The following ZFAND6 variants were observed in gnomAD, a reference collection of about 807,000 sequenced individuals.
The protein encoded by ZFAND6 is zinc finger AN1-type containing 6.
In ZFAND6, 12 loss-of-function variants were observed where a neutral mutation model predicts 24.5. The ratio of observed to expected loss-of-function variants is 0.49; its 90% confidence interval spans 0.31 to 0.79. The LOEUF (loss-of-function observed/expected upper bound fraction) is 0.79. ZFAND6 is among the 30% of genes least tolerant of loss of function. The pLI, the probability that ZFAND6 is intolerant of heterozygous loss-of-function variation, is 0.04. For synonymous variants in ZFAND6, 92 were observed against 81.5 expected (o/e 1.13, Z -0.69); for missense variants, 207 against 245.9 (o/e 0.84, Z 1.06).
At chr15:80,061,695 G>C (rs1225986853) in intron 1 of ZFAND6, among the ~76,000 whole-genome samples, 1 of 152,088 alleles carries the variant, frequency 6.6e-6, no homozygotes, top group Non-Finnish European at 1.5e-5. Flanking sequence ...TGGGCACTTC[G>C]ACCGTGTTTT....
intron 1 of ZFAND6, among the ~76,000 whole-genome samples, chr15:80,080,857 T>G (rs917566754): frequency 2.6e-5 from 4 of 152,128 alleles, no homozygotes; most frequent in Non-Finnish European, 4.4e-5. Context: ...ACCACACACT[T>G]TTAAGCAGCC....
At chr15:80,089,548 T>A (rs2038218994) in intron 1 of ZFAND6, among the ~76,000 whole-genome samples, 2 of 151,932 alleles carry the variant, frequency 1.3e-5, no homozygotes. Flanking sequence ...GAGCCACCAC[T>A]CCCAGCCTAG....
chr15:80,100,166 G>A (rs2141939569), intron 2 of ZFAND6, among the ~76,000 whole-genome samples: 1 of 152,236 alleles, frequency 6.6e-6, no homozygotes, highest in East Asian at 1.9e-4. Flanking sequence ...TCACTTTAAT[G>A]CAGTTTTAGG....
At chr15:80,105,924 A>T (rs1425417418) in intron 2 of ZFAND6, among the ~76,000 whole-genome samples, 1 of 152,110 alleles carries the variant, frequency 6.6e-6, no homozygotes, top group Non-Finnish European at 1.5e-5. Context: ...GTATTCTAAA[A>T]CTTTGTGGTT....
intron 2 of ZFAND6, among the ~76,000 whole-genome samples, chr15:80,107,313 G>GAATATA (rs1471182225): frequency 6.6e-6 from 1 of 152,166 alleles, no homozygotes; most frequent in African/African-American, 2.4e-5. Flanking sequence ...GTATGGTGAT[G>GAATATA]AATATAATGA....
intron 1 of ZFAND6, among the ~76,000 whole-genome samples, chr15:80,078,621 T>C (rs369085954): frequency 2.0e-5 from 3 of 152,328 alleles, no homozygotes; most frequent in African/African-American, 7.2e-5. Flanking sequence ...TTTAAGTTCT[T>C]TGGGAAATCT....
chr15:80,074,411 T>C (rs1475354708), intron 1 of ZFAND6, among the ~76,000 whole-genome samples: 1 of 151,796 alleles, frequency 6.6e-6, no homozygotes, highest in Admixed American at 6.6e-5. Context: ...AGAAGAAATA[T>C]TTTCTTTCAA....
chr15:80,089,519 G>T (rs956395083), intron 1 of ZFAND6, among the ~76,000 whole-genome samples: 1 of 152,008 alleles, frequency 6.6e-6, no homozygotes, highest in African/African-American at 2.4e-5. Flanking sequence ...GCCTCCCAAA[G>T]TGGTGGGATT....
In ZFAND6 at chr15:80,122,819, A is replaced by G. The variant is rs778099390; in HGVS notation, c.364+19A>G. On this transcript the variant is annotated intron_variant, in intron 5 of 6. Transcript: ENST00000261749. ...GTGCAGGGTTTGTATATGAACTAGC[A>G]TGTATTTTGTTATTTGAGTATTATA... The G allele has an allele frequency of 6.3e-7, 1 of 1,591,640 alleles. No individual in the cohort carries two copies. Among genetic ancestry groups the G allele is most frequent in the Non-Finnish European group, 8.6e-7 (1 of 1,160,924 alleles).
At chr15:80,136,582 T>A (rs2040877081) in intron 6 of ZFAND6, among the ~76,000 whole-genome samples, 1 of 152,254 alleles carries the variant, frequency 6.6e-6, no homozygotes, top group African/African-American at 2.4e-5. Context: ...CAGTGCTGTT[T>A]GCTTCATTTT....
In ZFAND6 at chr15:80,131,214, A is replaced by C. The variant is rs2142051321; in HGVS notation, c.399A>C (p.Glu133Asp). The C allele has an allele frequency of 1.2e-6, 2 of 1,611,900 alleles. No homozygotes were observed. The highest frequency in any genetic ancestry group is 4.5e-5 in the East Asian group (2 of 44,862). ...CAGACACAGCACAGCAGCCATCTGAAGAGCAAAGCAAGTCTCTTGAAAAAC... is the reference window on the plus strand; with the variant it reads ...CAGACACAGCACAGCAGCCATCTGACGAGCAAAGCAAGTCTCTTGAAAAAC... ...SVSDTAQQPS[E>D]EQSKSLEKPK... The change falls in exon 6 of 7, where the codon GAA (glutamate) becomes GAC (aspartate). Residue 133 changes from glutamate (E) to aspartate (D), a missense_variant. By Grantham distance (45) the Glu-to-Asp change is conservative. Around this residue, in one of 3 missense-constraint regions of ZFAND6, gnomAD observed 133 missense variants for 122.8 expected, o/e 1.08. Transcript: ENST00000261749.
At chr15:80,067,427 CTT>C (rs1292396555) in intron 1 of ZFAND6, among the ~76,000 whole-genome samples, 2 of 152,092 alleles carry the variant, frequency 1.3e-5, no homozygotes, top group African/African-American at 2.4e-5. Context: ...TAGGTTAGGT[CTT>C]TCTCTTGGCT....
chr15:80,066,217 G>A (rs928526984), intron 1 of ZFAND6, among the ~76,000 whole-genome samples: 4 of 151,982 alleles, frequency 2.6e-5, no homozygotes, highest in Non-Finnish European at 5.9e-5. Flanking sequence ...GGTGCTAATT[G>A]GATGATCTGA....
In ZFAND6 at chr15:80,079,807, C is replaced by T. The variant is rs147594565; in HGVS notation, c.-180-18609C>T. ...CTGGGACTACAGGCGCCCGCCACCA[C>T]GCCCAGCTAGCTAATTTTTTGTATT... is the stretch of plus-strand genomic sequence containing the variant. On this transcript the variant is annotated intron_variant, in intron 1 of 6. Transcript: ENST00000261749. 8.1e-4 allele frequency among the ~76,000 whole-genome samples: 122 copies of T among 150,808 alleles called. 1 individual carries two copies. In the East Asian group the frequency reaches 0.022, roughly 27 times the overall value.
chr15:80,077,264 C>T (rs1846169625), intron 1 of ZFAND6, among the ~76,000 whole-genome samples: 1 of 152,152 alleles, frequency 6.6e-6, no homozygotes, highest in African/African-American at 2.4e-5. Flanking sequence ...GTAACTTATA[C>T]ATAGGGTAGA....
chr15:80,115,295 A>C (rs2039822089), intron 2 of ZFAND6, among the ~76,000 whole-genome samples: 1 of 152,182 alleles, frequency 6.6e-6, no homozygotes, highest in Non-Finnish European at 1.5e-5. Context: ...GAACAGTCAA[A>C]AGTCACATTT....
chr15:80,131,116 T>G, intron 5 of ZFAND6, 64 bp from the exon 6 acceptor site: 3 of 1,221,096 alleles, frequency 2.5e-6, no homozygotes, highest in Non-Finnish European at 3.4e-6. Context: ...CTAGGGAGGG[T>G]GGGATGAGGA....
At position 80,131,199 on chromosome 15, in the gene ZFAND6, ACAG is replaced by A. The variant is rs1441938908; in HGVS notation, c.389_391del (p.Gln130del). The stretch of plus-strand genomic sequence containing the variant: ...TGTTAGCTTCAGTATCAGACACAGC[ACAG>A]CAGCCATCTGAAGAGCAAAGCAAGT... On this transcript the variant is annotated inframe_deletion, in exon 6 of 7. Transcript: ENST00000261749. 1 of 1,608,178 alleles carries A rather than the reference ACAG, an allele frequency of 6.2e-7. No homozygotes were observed. The highest frequency in any genetic ancestry group is 8.5e-7 in the Non-Finnish European group (1 of 1,177,164).
intron 1 of ZFAND6, chr15:80,073,413 C>G: frequency 9.5e-6 from 2 of 211,324 alleles, no homozygotes; most frequent in South Asian, 1.0e-4. Flanking sequence ...TATTTCAGTA[C>G]AAGAATATTT....
Sources: gnomAD v4.1 joint callset for allele counts (sites outside exome capture counted in the v4.1 genomes callset) on GRCh38, gnomAD v4.1.1 for gene constraint, gnomAD v4.1.1 regional missense constraint, MANE v1.5 for transcripts, NCBI Gene and HGNC (gene_info 2026-07-23, HGNC 2026-07-21) for gene names.